Variants in PAX7 observed in about 807,000 individuals in gnomAD.
PAX7 encodes paired box 7.
PAX7 carries 18 observed loss-of-function variants against 50.7 expected under a neutral mutation model. The ratio of observed to expected loss-of-function variants is 0.36; its 90% CI spans 0.25 to 0.53. The LOEUF is 0.53. PAX7 is among the 20% of genes least tolerant of loss of function. The probability of loss-of-function intolerance (pLI) is 0.93; values close to 1 mark genes in which losing one functional copy is unlikely to be tolerated. For missense variants in PAX7, 644 were observed against 702.9 expected (o/e 0.92, Z 0.95); for synonymous variants, 310 against 290.4 (o/e 1.07, Z -0.69).
chr1:18,686,331 G>A (rs1157426881), intron 4 of PAX7, among the ~76,000 whole-genome samples: 2 of 152,170 alleles, frequency 1.3e-5, no homozygotes, highest in African/African-American at 4.8e-5. Context: ...ATCTCTCCCT[G>A]TATCCTTCTC....
At chr1:18,657,126 C>A (rs2100469489) in intron 4 of PAX7, among the ~76,000 whole-genome samples, 1 of 152,182 alleles carries the variant, frequency 6.6e-6, no homozygotes, top group South Asian at 2.1e-4. Flanking sequence ...CCTATTCAAC[C>A]CACGACCCCA....
intron 4 of PAX7, among the ~76,000 whole-genome samples, chr1:18,687,342 C>T (rs1239201306): frequency 6.6e-6 from 1 of 152,110 alleles, no homozygotes; most frequent in Non-Finnish European, 1.5e-5. Flanking sequence ...AAAGACAGAG[C>T]CCACAAGCCA....
chr1:18,634,509 C>T lies in PAX7; in HGVS notation c.292C>T (p.Pro98Ser). 1.2e-6 allele frequency: 2 copies of T among 1,614,046 alleles called. No homozygotes were observed. Among genetic ancestry groups the T allele is most frequent in the Non-Finnish European group, 1.7e-6 (2 of 1,180,036 alleles). Residue 98 changes from proline (P) to serine (S), a missense_variant, in exon 2 of 9, where the codon CCT becomes TCT. By Grantham distance (74) the Pro-to-Ser change is moderately conservative. Transcript: ENST00000420770. The surrounding 1 kb of genome is among the most constrained non-coding windows in gnomAD (Gnocchi z 4.0). ...CTACCAGGAGACCGGGTCCATCCGG[C>T]CTGGGGCCATCGGCGGCAGCAAGCC... is the stretch of plus-strand genomic sequence containing the variant. ...CRYQETGSIR[P>S]GAIGGSKPRQ... is the part of the protein sequence containing the mutation.
At chr1:18,714,206 C>CAAATAAATAAATAAATAAAT (rs10682105) in intron 7 of PAX7, among the ~76,000 whole-genome samples, 49 of 145,094 alleles carry the variant, frequency 3.4e-4, no homozygotes, top group East Asian at 1.2e-3. Context: ...GGCTCCGTCT[C>CAAATAAATAAATAAATAAAT]AAATAAATAA....
chr1:18,725,224 C>A (rs2089543832), intron 7 of PAX7, among the ~76,000 whole-genome samples: 1 of 151,596 alleles, frequency 6.6e-6, no homozygotes, highest in Admixed American at 6.6e-5. Flanking sequence ...CAGGTACTAA[C>A]AAGGCCTCCC....
chr1:18,651,315 G>C (rs1422962597), intron 4 of PAX7, among the ~76,000 whole-genome samples: 1 of 152,140 alleles, frequency 6.6e-6, no homozygotes, highest in Non-Finnish European at 1.5e-5. Flanking sequence ...CTCATCGGTG[G>C]CTCTAAAATG....
intron 7 of PAX7, among the ~76,000 whole-genome samples, chr1:18,731,543 C>T (rs1013409078): frequency 6.6e-6 from 1 of 152,008 alleles, no homozygotes; most frequent in African/African-American, 2.4e-5. Flanking sequence ...TTGAGGAGTC[C>T]ATGAACTGGC....
In PAX7 at chr1:18,634,229, G is replaced by A. The variant is rs904010512; in HGVS notation, c.86-74G>A. On this transcript the variant is annotated intron_variant, in intron 1 of 8. Coordinates refer to ENST00000420770, the MANE Select transcript of PAX7 (RefSeq NM_001135254.2). This position sits in a 1 kb window ranked among gnomAD's most constrained non-coding sequence, Gnocchi z 4.0. ...CTCAAACAAACAAAACTGGAGTCAG[G>A]GAGTGTACTCAGTGTCTGCTCTCCA... The A allele has an allele frequency of 5.3e-5, 65 of 1,215,896 alleles. No homozygotes were observed. The highest frequency in any genetic ancestry group is 7.0e-5 in the Non-Finnish European group (60 of 852,822). The allele number at this position is 1,215,896 out of a possible 1,614,324, so 75.3% of individuals were successfully genotyped here. A position where few individuals can be genotyped will look rare whatever the true frequency, so the allele number is the denominator to read the frequency against.
At chr1:18,730,468 C>T (rs1417132650) in intron 7 of PAX7, among the ~76,000 whole-genome samples, 2 of 151,954 alleles carry the variant, frequency 1.3e-5, no homozygotes, top group African/African-American at 4.8e-5. Flanking sequence ...CTATCCTGAC[C>T]TTCAGTCTCT....
chr1:18,735,470 G>C lies in PAX7; in HGVS notation c.1156-162G>C, dbSNP rs1257015963. 6.6e-6 allele frequency among the ~76,000 whole-genome samples: 1 copy of C among 152,166 alleles called. No homozygotes were observed. Among genetic ancestry groups the C allele is most frequent in the Admixed American group, 6.5e-5 (1 of 15,284 alleles). On this transcript the variant is annotated intron_variant, in intron 7 of 8. Coordinates refer to ENST00000420770, the MANE Select transcript of PAX7 (RefSeq NM_001135254.2). This position sits in a 1 kb window ranked among gnomAD's most constrained non-coding sequence, Gnocchi z 4.0. ...AGACCAGCAGCCATCCCATGCATGA[G>C]GGCACGCAAATCAGGTAAACTGAGG...
chr1:18,677,108 A>G (rs1457169432), intron 4 of PAX7, among the ~76,000 whole-genome samples: 1 of 152,186 alleles, frequency 6.6e-6, no homozygotes, highest in Non-Finnish European at 1.5e-5. Flanking sequence ...TTTGGGGGAC[A>G]CTTCCGCCCT....
intron 4 of PAX7, among the ~76,000 whole-genome samples, chr1:18,650,032 T>TG (rs2100454659): frequency 6.6e-6 from 1 of 152,206 alleles, no homozygotes; most frequent in Non-Finnish European, 1.5e-5. Flanking sequence ...GGGGAAGCAG[T>TG]GAAAAAACAG....
chr1:18,709,266 G>A (rs968482671), intron 7 of PAX7, among the ~76,000 whole-genome samples: 1 of 152,134 alleles, frequency 6.6e-6, no homozygotes, highest in African/African-American at 2.4e-5. Context: ...CTCGTGGAAG[G>A]GGCGTCTGTC....
intron 8 of PAX7, chr1:18,736,097 A>T: frequency 4.0e-6 from 3 of 749,586 alleles, no homozygotes; most frequent in Non-Finnish European, 6.7e-6. Flanking sequence ...CTGCTTCCGT[A>T]CTATGGCTCC....
chr1:18,739,583 A>G (rs1454578686), intron 8 of PAX7, among the ~76,000 whole-genome samples: 4 of 152,166 alleles, frequency 2.6e-5, no homozygotes, highest in Non-Finnish European at 2.9e-5. Context: ...TGTTTATGCA[A>G]GGTCACCCGG....
intron 7 of PAX7, among the ~76,000 whole-genome samples, chr1:18,720,405 C>T (rs928013418): frequency 1.3e-5 from 2 of 152,132 alleles, no homozygotes; most frequent in East Asian, 1.9e-4. Flanking sequence ...CCCAGCTAGA[C>T]CAGGGTATGG....
rs2088151508 is a variant in PAX7 at position 18,636,144 on chromosome 1, G to A, written c.452-93G>A. The stretch of plus-strand genomic sequence containing the variant: ...TGAATGGATATCTGTAAGGAAGCAG[G>A]GGGCTTCCTGACTTTCTCCCAGGGG... On this transcript the variant is annotated intron_variant, in intron 3 of 8. Coordinates refer to ENST00000420770, the MANE Select transcript of PAX7 (RefSeq NM_001135254.2). This position sits in a 1 kb window ranked among gnomAD's most constrained non-coding sequence, Gnocchi z 5.1. 17 of 1,301,366 alleles carry A rather than the reference G, an allele frequency of 1.3e-5. No individual in the cohort carries two copies. Among genetic ancestry groups the A allele is most frequent in the Middle Eastern group, 2.6e-4 (1 of 3,920 alleles). 80.6% of individuals were successfully genotyped at this position (1,301,366 alleles called of 1,614,324 possible).
chr1:18,665,665 G>A (rs1302135539), intron 4 of PAX7, among the ~76,000 whole-genome samples: 6 of 123,154 alleles, frequency 4.9e-5, no homozygotes, highest in Non-Finnish European at 9.8e-5. Context: ...GAGCCACTGC[G>A]CCCAGCCTTT....
rs990461954 is a variant in PAX7 at position 18,632,480 on chromosome 1, G to C, written c.85+792G>C. Among the ~76,000 whole-genome samples the C allele has an allele frequency of 6.6e-6, 1 of 152,064 alleles. No homozygotes were observed. The highest frequency in any genetic ancestry group is 2.4e-5 in the African/African-American group (1 of 41,412). On this transcript the variant is annotated intron_variant, in intron 1 of 8. Coordinates refer to ENST00000420770, the MANE Select transcript of PAX7 (RefSeq NM_001135254.2). The surrounding 1 kb of genome is among the most constrained non-coding windows in gnomAD (Gnocchi z 6.3). ...GCGGCGGCGAACCGGGTCCTGGCTG[G>C]AGAAAAGGCTGGGAGCGCACAGCGG...
Sources: gnomAD v4.1 joint callset for allele counts (sites outside exome capture counted in the v4.1 genomes callset) on GRCh38, gnomAD v4.1.1 for gene constraint, Gnocchi (gnomAD v3.1) non-coding constraint, MANE v1.5 for transcripts, NCBI Gene and HGNC (gene_info 2026-07-23, HGNC 2026-07-21) for gene names.